PRKG1: variants seen among roughly 807,000 people sequenced by gnomAD.
PRKG1 encodes the protein protein kinase cGMP-dependent 1.
PRKG1 carries 35 observed loss-of-function variants against 88.1 expected under a neutral mutation model. That is an observed-to-expected ratio of 0.40 (90% CI 0.30 to 0.53). The LOEUF (loss-of-function observed/expected upper bound fraction) is 0.53. Among genes scored for constraint, PRKG1 ranks in the 20% least tolerant of loss-of-function variants. The probability of loss-of-function intolerance (pLI) is 0.59; values close to 1 mark genes in which losing one functional copy is unlikely to be tolerated. For missense variants in PRKG1, 540 were observed against 839.8 expected (o/e 0.64, Z 4.41); for synonymous variants, 303 against 292.5 (o/e 1.04, Z -0.37).
intron 2 of PRKG1, among the ~76,000 whole-genome samples, chr10:51,415,684 CAT>C (rs2132696498): frequency 6.6e-6 from 1 of 152,224 alleles, no homozygotes; most frequent in East Asian, 1.9e-4. Context: ...TCAGAAGGCA[CAT>C]GAGTGGCACC....
intron 8 of PRKG1, among the ~76,000 whole-genome samples, chr10:52,137,827 G>T (rs1173639745): frequency 6.6e-6 from 1 of 152,066 alleles, no homozygotes; most frequent in Non-Finnish European, 1.5e-5. Context: ...ATGGAAGGCT[G>T]ACTGTATACT....
chr10:51,335,213 C>T lies in PRKG1; in HGVS notation c.479-132510C>T, dbSNP rs561651498. Among the ~76,000 whole-genome samples the T allele has an allele frequency of 6.6e-5, 10 of 151,780 alleles. No homozygotes were observed. The South Asian group carries it at 1.0e-3, about 16-fold the overall frequency. Reference sequence around the variant, plus strand: ...ATTTTTAGTGGAGACGGGATTTCACCGCTTGTCAGGTTTCTTAATTCCCCC... The same window carrying T: ...ATTTTTAGTGGAGACGGGATTTCACTGCTTGTCAGGTTTCTTAATTCCCCC... On this transcript the variant is annotated intron_variant, in intron 2 of 17. Transcript: ENST00000373980.
chr10:51,021,868 A>G (rs1470359927), intron 1 of PRKG1, among the ~76,000 whole-genome samples: 1 of 151,890 alleles, frequency 6.6e-6, no homozygotes, highest in Non-Finnish European at 1.5e-5. Flanking sequence ...TTTAGTAGAG[A>G]TGGGGTTTCA....
chr10:51,177,606 G>C (rs570248731), intron 2 of PRKG1, among the ~76,000 whole-genome samples: 1 of 152,140 alleles, frequency 6.6e-6, no homozygotes, highest in African/African-American at 2.4e-5. Context: ...GAATGAAGTA[G>C]ATGTTAACAT....
chr10:51,794,350 T>C (rs1838953192), intron 3 of PRKG1, among the ~76,000 whole-genome samples: 1 of 152,000 alleles, frequency 6.6e-6, no homozygotes, highest in Non-Finnish European at 1.5e-5. Flanking sequence ...AAAACCTAGA[T>C]CAAATGGACC....
At chr10:51,160,444 G>C (rs1846330108) in intron 2 of PRKG1, among the ~76,000 whole-genome samples, 1 of 152,132 alleles carries the variant, frequency 6.6e-6, no homozygotes, top group South Asian at 2.1e-4. Context: ...AGTGTATATA[G>C]ATAGAAGTAG....
intron 9 of PRKG1, among the ~76,000 whole-genome samples, chr10:52,183,934 C>G (rs1478811436): frequency 6.6e-6 from 1 of 152,120 alleles, no homozygotes; most frequent in Non-Finnish European, 1.5e-5. Context: ...TTACCTTTTC[C>G]CTACAGGGGG....
At chr10:51,810,521 G>A (rs1839426328) in intron 4 of PRKG1, among the ~76,000 whole-genome samples, 1 of 152,100 alleles carries the variant, frequency 6.6e-6, no homozygotes, top group African/African-American at 2.4e-5. Context: ...TAAAAATCCT[G>A]CCAGATTTTA....
At chr10:51,003,863 T>G (rs1200341320) in intron 1 of PRKG1, among the ~76,000 whole-genome samples, 11 of 152,200 alleles carry the variant, frequency 7.2e-5, no homozygotes, top group Admixed American at 7.2e-4. Context: ...TTAATAATAG[T>G]ACCTAGGCTT....
intron 3 of PRKG1, among the ~76,000 whole-genome samples, chr10:51,755,346 C>A (rs898227916): frequency 5.9e-5 from 9 of 152,258 alleles, no homozygotes; most frequent in Middle Eastern, 3.4e-3. Flanking sequence ...TTCTTTAATT[C>A]ATAACAATGC....
At chr10:52,140,487 T>A (rs1837548548) in intron 8 of PRKG1, among the ~76,000 whole-genome samples, 1 of 152,128 alleles carries the variant, frequency 6.6e-6, no homozygotes, top group South Asian at 2.1e-4. Flanking sequence ...CCACTCCCCA[T>A]GCACACACCT....
intron 5 of PRKG1, among the ~76,000 whole-genome samples, chr10:51,981,480 GGAGACTGAAGCAGT>G (rs1212629114): frequency 6.6e-6 from 1 of 152,074 alleles, no homozygotes; most frequent in Non-Finnish European, 1.5e-5. Context: ...CAGCTACTCA[GGAGACTGAAGCAGT>G]ATAATTACTG....
At chr10:51,803,879 C>T (rs887337134) in intron 3 of PRKG1, among the ~76,000 whole-genome samples, 2 of 152,116 alleles carry the variant, frequency 1.3e-5, no homozygotes, top group Non-Finnish European at 2.9e-5. Context: ...CAAACTATAA[C>T]ATTTGTCTTT....
chr10:51,565,089 C>A (rs1837565009), intron 3 of PRKG1, among the ~76,000 whole-genome samples: 1 of 152,048 alleles, frequency 6.6e-6, no homozygotes, highest in Non-Finnish European at 1.5e-5. Flanking sequence ...TACTCCCCTG[C>A]AAAATAAGCG....
intron 2 of PRKG1, among the ~76,000 whole-genome samples, chr10:51,425,733 C>T (rs906584461): frequency 1.3e-5 from 2 of 152,184 alleles, no homozygotes; most frequent in African/African-American, 4.8e-5. Flanking sequence ...CCAAAGAAAA[C>T]ATGCCAGCCT....
At chr10:51,165,535 A>T (rs1294633241) in intron 2 of PRKG1, among the ~76,000 whole-genome samples, 3 of 152,310 alleles carry the variant, frequency 2.0e-5, no homozygotes, top group African/African-American at 7.2e-5. Context: ...GATCAAATTC[A>T]CACATAACAA....
chr10:51,538,170 T>C (rs1383622035), intron 3 of PRKG1, among the ~76,000 whole-genome samples: 2 of 152,080 alleles, frequency 1.3e-5, no homozygotes, highest in Non-Finnish European at 2.9e-5. Context: ...GTTCAAACAA[T>C]AATGTGTTTG....
At chr10:51,692,331 C>T (rs775598217) in intron 3 of PRKG1, among the ~76,000 whole-genome samples, 23 of 152,148 alleles carry the variant, frequency 1.5e-4, no homozygotes, top group Non-Finnish European at 3.2e-4. Context: ...CAAGTTCCGC[C>T]TCCTGGGTTC....
chr10:51,258,944 G>A (rs999567709), intron 2 of PRKG1, among the ~76,000 whole-genome samples: 3 of 152,096 alleles, frequency 2.0e-5, no homozygotes, highest in South Asian at 2.1e-4. Context: ...TGAACCTCAC[G>A]TTCAATATTT....
Sources: gnomAD v4.1 joint callset for allele counts (sites outside exome capture counted in the v4.1 genomes callset) on GRCh38, gnomAD v4.1.1 for gene constraint, MANE v1.5 for transcripts, NCBI Gene and HGNC (gene_info 2026-07-23, HGNC 2026-07-21) for gene names.